The following SAMD3 variants were observed in gnomAD, a reference collection of about 807,000 sequenced individuals.
SAMD3 encodes sterile alpha motif domain containing 3.
Under a neutral mutation model 58.5 loss-of-function variants are expected in SAMD3, and 63 were observed. The observed-to-expected ratio is 1.08, with a 90% CI of 0.88 to 1.33. The LOEUF (loss-of-function observed/expected upper bound fraction) is 1.33. SAMD3 is among the 40% of genes most tolerant of loss of function. SAMD3 has a pLI of 0.00. For missense variants in SAMD3, 604 were observed against 608.4 expected (o/e 0.99, Z 0.08); for synonymous variants, 220 against 210.3 (o/e 1.05, Z -0.40).
intron 8 of SAMD3, among the ~76,000 whole-genome samples, chr6:130,167,453 G>C (rs1477839904): frequency 6.6e-6 from 1 of 152,090 alleles, no homozygotes; most frequent in African/African-American, 2.4e-5. Context: ...TAAGGATTAT[G>C]ACAAAAAAAT....
At chr6:130,308,677 G>A (rs182719897) in intron 2 of SAMD3, among the ~76,000 whole-genome samples, 230 of 152,166 alleles carry the variant, frequency 1.5e-3, no homozygotes, top group African/African-American at 5.4e-3. Flanking sequence ...AATTTTTTCA[G>A]TGAGAAATGA....
chr6:130,364,173 T>C (rs1778064796), intron 1 of SAMD3, among the ~76,000 whole-genome samples: 1 of 152,200 alleles, frequency 6.6e-6, no homozygotes, highest in Non-Finnish European at 1.5e-5. Flanking sequence ...ATCTTTCTTC[T>C]TTTTTGGTAA....
At chr6:130,364,992 A>T (rs1583161124) in intron 1 of SAMD3, 1 of 159,886 alleles carries the variant, frequency 6.3e-6, no homozygotes, top group South Asian at 2.1e-4. Context: ...AGAATATCAT[A>T]CTTGCCTTCT....
At chr6:130,209,646 G>A in intron 4 of SAMD3, 38 bp from the exon 5 acceptor site, 2 of 1,305,872 alleles carry the variant, frequency 1.5e-6, no homozygotes, top group Middle Eastern at 1.8e-4. Flanking sequence ...TATTCAAGAG[G>A]TGATATGACC....
chr6:130,354,574 C>T (rs1033793776), intron 1 of SAMD3, among the ~76,000 whole-genome samples: 3 of 152,018 alleles, frequency 2.0e-5, no homozygotes, highest in Non-Finnish European at 4.4e-5. Context: ...AATGTAGTAA[C>T]AGAAAACCAA....
At chr6:130,173,811 A>T (rs1791464894) in intron 8 of SAMD3, among the ~76,000 whole-genome samples, 1 of 152,208 alleles carries the variant, frequency 6.6e-6, no homozygotes, top group Non-Finnish European at 1.5e-5. Context: ...CCCTTCCCCC[A>T]GGCACTCTGT....
intron 5 of SAMD3, among the ~76,000 whole-genome samples, chr6:130,192,642 A>T (rs865889301): frequency 2.6e-5 from 4 of 152,038 alleles, no homozygotes; most frequent in Middle Eastern, 6.8e-3. Flanking sequence ...ACCAGCACCC[A>T]GGTAAAATAA....
Position 130,247,827 on chromosome 6 carries a change from A to G in SAMD3, c.-187-25014T>C, listed in dbSNP as rs1451173943. Among the ~76,000 whole-genome samples, 3 of 152,214 alleles carry G rather than the reference A, an allele frequency of 2.0e-5. No individual in the cohort carries two copies. In the South Asian group the frequency reaches 6.2e-4, roughly 31 times the overall value. ...ATGAATGTTATTATTAGGTTATTTA[A>G]CATTTCTGTGTCTTTACTTAAGTTT... is the stretch of plus-strand genomic sequence containing the variant. On this transcript the variant is annotated intron_variant, in intron 2 of 13. Coordinates refer to the SAMD3 transcript ENST00000368134.
intron 2 of SAMD3, among the ~76,000 whole-genome samples, chr6:130,289,109 C>T (rs145603370): frequency 2.0e-5 from 3 of 152,132 alleles, no homozygotes; most frequent in African/African-American, 7.2e-5. Context: ...GGGTGGTGCA[C>T]AGGAGACATG....
chr6:130,315,311 G>T (rs967561401), intron 1 of SAMD3, among the ~76,000 whole-genome samples: 2 of 152,140 alleles, frequency 1.3e-5, no homozygotes, highest in African/African-American at 4.8e-5. Context: ...GAGTGTCAAT[G>T]AAAACTTGGA....
intron 2 of SAMD3, among the ~76,000 whole-genome samples, chr6:130,302,410 T>C (rs1202761691): frequency 6.6e-6 from 1 of 152,130 alleles, no homozygotes; most frequent in East Asian, 1.9e-4. Context: ...ATAGCTATTA[T>C]TAAAAAGTCA....
chr6:130,248,005 C>T (rs946207212), intron 2 of SAMD3, among the ~76,000 whole-genome samples: 2 of 152,024 alleles, frequency 1.3e-5, no homozygotes, highest in Non-Finnish European at 1.5e-5. Flanking sequence ...GTGATGTGCA[C>T]CCCATAGTAT....
chr6:130,322,108 G>C (rs1403776886), intron 1 of SAMD3, among the ~76,000 whole-genome samples: 1 of 152,202 alleles, frequency 6.6e-6, no homozygotes, highest in Non-Finnish European at 1.5e-5. Context: ...TCATTAGTGA[G>C]GGTTTAACTG....
At chr6:130,239,553 T>A (rs766695920) in intron 2 of SAMD3, among the ~76,000 whole-genome samples, 9 of 152,154 alleles carry the variant, frequency 5.9e-5, no homozygotes, top group Admixed American at 5.9e-4. Context: ...AGAAGAGATC[T>A]AAGAAGTATG....
chr6:130,162,851 T>C (rs575231596), intron 8 of SAMD3, among the ~76,000 whole-genome samples: 195 of 152,306 alleles, frequency 1.3e-3, no homozygotes, highest in African/African-American at 4.5e-3. Context: ...AGCTGTCCAG[T>C]ATGGTAGCCA....
At chr6:130,336,606 G>T (rs1454653394) in intron 1 of SAMD3, among the ~76,000 whole-genome samples, 1 of 152,166 alleles carries the variant, frequency 6.6e-6, no homozygotes, top group Non-Finnish European at 1.5e-5. Context: ...ATGAGTAATG[G>T]CAGAGTGCCT....
intron 2 of SAMD3, among the ~76,000 whole-genome samples, chr6:130,240,368 C>T (rs118106067): frequency 0.025 from 3,857 of 152,152 alleles, 68 homozygotes; most frequent in Non-Finnish European, 0.04. Flanking sequence ...AGAGGGAACA[C>T]GTGGAATAAG....
chr6:130,337,402 A>G (rs976448019), intron 1 of SAMD3, among the ~76,000 whole-genome samples: 4 of 152,096 alleles, frequency 2.6e-5, no homozygotes, highest in African/African-American at 9.7e-5. Context: ...TGAGTCAATA[A>G]ACCTCTTTTC....
At chr6:130,181,301 G>GC (rs1002147226) in intron 7 of SAMD3, among the ~76,000 whole-genome samples, 6 of 152,120 alleles carry the variant, frequency 3.9e-5, no homozygotes, top group African/African-American at 1.4e-4. Context: ...AAATAACCAA[G>GC]TTTGTGCACC....
Sources: gnomAD v4.1 joint callset for allele counts (sites outside exome capture counted in the v4.1 genomes callset) on GRCh38, gnomAD v4.1.1 for gene constraint, MANE v1.5 for transcripts, NCBI Gene and HGNC (gene_info 2026-07-23, HGNC 2026-07-21) for gene names.